The following USP39 variants were observed in gnomAD, a reference collection of about 807,000 sequenced individuals.
USP39 encodes the protein ubiquitin specific peptidase 39.
In USP39, 38 loss-of-function variants were observed where a neutral mutation model predicts 66.4. The ratio of observed to expected loss-of-function variants is 0.57; its 90% CI spans 0.44 to 0.75. The LOEUF (loss-of-function observed/expected upper bound fraction) is 0.75, where lower values mean the gene tolerates loss of function less well. Among genes scored for constraint, USP39 ranks in the 30% least tolerant of loss-of-function variants. The probability of loss-of-function intolerance (pLI) is 0.00; values close to 1 mark genes in which losing one functional copy is unlikely to be tolerated. For synonymous variants in USP39, 303 were observed against 274.6 expected, an observed-to-expected ratio of 1.10 and a Z score of -1.02; for missense variants, 608 against 714.4, an observed-to-expected ratio of 0.85 and a Z score of 1.70.
chr2:85,643,556 G>A (rs1478031343), intron 10 of USP39, among the ~76,000 whole-genome samples: 1 of 151,888 alleles, frequency 6.6e-6, no homozygotes, highest in Non-Finnish European at 1.5e-5. Flanking sequence ...TTTTGTTCAG[G>A]CTGAAGAGAA....
intron 11 of USP39, chr2:85,645,861 A>G (rs996931373): frequency 6.6e-6 from 1 of 152,138 alleles, no homozygotes; most frequent in Admixed American, 6.5e-5. Context: ...GTCTCAAGCA[A>G]TCCTCCCGCC....
Position 85,636,146 on chromosome 2 carries a change from A to T in USP39, c.1027+16A>T, listed in dbSNP as rs2104320982. Reference sequence around the variant, plus strand: ...AAAAAGAAGAGTAAGTCATTTACTTATAAAAAGGAGTTATTTTGTTCCCTT... The same window carrying T: ...AAAAAGAAGAGTAAGTCATTTACTTTTAAAAAGGAGTTATTTTGTTCCCTT... On this transcript the variant is annotated intron_variant, in intron 7 of 12. Transcript: ENST00000323701. 3 of 1,611,250 alleles carry T rather than the reference A, an allele frequency of 1.9e-6. No homozygotes were observed. The highest frequency in any genetic ancestry group is 3.3e-4 in the Middle Eastern group (2 of 6,044).
upstream of USP39, chr2:85,608,922 T>C (rs1673323232): frequency 6.2e-7 from 1 of 1,613,574 alleles, no homozygotes; most frequent in African/African-American, 1.3e-5. Flanking sequence ...GAATCCAGCC[T>C]GGAGAGAACG....
chr2:85,611,933 G>T, upstream of USP39: 1 of 1,585,644 alleles, frequency 6.3e-7, no homozygotes, highest in African/African-American at 1.4e-5. Context: ...ATGTCCAGCC[G>T]CCCCCCAGGC....
chr2:85,616,018 G>C (rs1171782340), upstream of USP39: 3 of 1,246,116 alleles, frequency 2.4e-6, no homozygotes, highest in African/African-American at 3.1e-5. Flanking sequence ...AGGTTCTAAG[G>C]GGAGAGGAAG....
rs554245920 is a variant in USP39, at chr2:85,637,550, A to G, written c.1095+114A>G. 9.5e-5 allele frequency: 105 copies of G among 1,105,434 alleles called. No homozygotes were observed. In the African/African-American group the frequency reaches 1.4e-3, roughly 14 times the overall value. The allele number at this position is 1,105,434 out of a possible 1,614,324, so 68.5% of individuals were successfully genotyped here. A position where few individuals can be genotyped will look rare whatever the true frequency, so the allele number is the denominator to read the frequency against. On this transcript the variant is annotated intron_variant, in intron 8 of 12. Coordinates refer to ENST00000323701, the MANE Select transcript of USP39 (RefSeq NM_006590.4). ...CCTGCTTGCCCTGTGAAGAGGTTCA[A>G]CAAAGCACCTGCCTAGTGGCAGCTC... is the stretch of plus-strand genomic sequence containing the variant.
upstream of USP39, among the ~76,000 whole-genome samples, chr2:85,613,167 T>C (rs1673684412): frequency 6.6e-6 from 1 of 151,782 alleles, no homozygotes; most frequent in African/African-American, 2.4e-5. Context: ...GAGACCAGCC[T>C]GGGCAACACA....
chr2:85,612,206 C>A, upstream of USP39: 1 of 1,166,936 alleles, frequency 8.6e-7, no homozygotes, highest in Non-Finnish European at 1.2e-6. Flanking sequence ...GGACGGAGGG[C>A]TTTTGTTTTT....
chr2:85,630,562 T>C (rs1675240556), intron 5 of USP39, among the ~76,000 whole-genome samples, 159 bp from the exon 6 acceptor site: 1 of 152,238 alleles, frequency 6.6e-6, no homozygotes, highest in East Asian at 1.9e-4. Flanking sequence ...TTCTGTGATG[T>C]GAGCCTGGGT....
rs755363593 is a variant in USP39, at chr2:85,639,399, A to G, written c.1284+8A>G. Reference sequence around the variant, plus strand: ...AATGGCATCACTGAGAAGGTAGCCCATTAACACACCTGCCCTGCCTATACT... The same window carrying G: ...AATGGCATCACTGAGAAGGTAGCCCGTTAACACACCTGCCCTGCCTATACT... On this transcript the variant is annotated splice_region_variant and intron_variant, in intron 9 of 12. Transcript: ENST00000323701. 3 of 1,611,700 alleles carry G rather than the reference A, an allele frequency of 1.9e-6. No homozygotes were observed. The South Asian group carries it at 3.3e-5, about 18-fold the overall frequency.
rs1676038134 is a variant in USP39, at chr2:85,639,231, A to G, written c.1124A>G (p.His375Arg). ...LPAEEKEQLL[H>R]NDEYQETMVE... Reference sequence around the variant, plus strand: ...GCAGAAGAAAAAGAGCAGTTGCTCCATAATGACGAGTACCAGGAGACAATG... The same window carrying G: ...GCAGAAGAAAAAGAGCAGTTGCTCCGTAATGACGAGTACCAGGAGACAATG... The change falls in exon 9 of 13, where the codon CAT becomes CGT. Residue 375 changes from histidine to arginine, a missense_variant. By Grantham distance (29) the His-to-Arg change is conservative. Coordinates refer to ENST00000323701, the MANE Select transcript of USP39 (RefSeq NM_006590.4). 1 of 1,613,358 alleles carries G rather than the reference A, an allele frequency of 6.2e-7. No homozygotes were observed. Among genetic ancestry groups the G allele is most frequent in the Non-Finnish European group, 8.5e-7 (1 of 1,179,808 alleles).
intron 1 of USP39, among the ~76,000 whole-genome samples, chr2:85,616,766 C>T (rs1674007237): frequency 6.6e-6 from 1 of 150,668 alleles, no homozygotes; most frequent in African/African-American, 2.4e-5. Context: ...CAACCTCTGC[C>T]TCCCCGGTTC....
chr2:85,648,105 T>A, intron 12 of USP39, 89 bp downstream of exon 12: 1 of 1,432,592 alleles, frequency 7.0e-7, no homozygotes, highest in Non-Finnish European at 9.7e-7. Flanking sequence ...AGGGATAGAG[T>A]TAGGACCTTG....
In USP39 at chr2:85,647,964, AG is replaced by A; in HGVS notation, c.1600del (p.Val534Ter). The A allele has an allele frequency of 6.2e-7, 1 of 1,614,176 alleles. No homozygotes were observed. The highest frequency in any genetic ancestry group is 8.5e-7 in the Non-Finnish European group (1 of 1,180,030). On this transcript the variant is annotated frameshift_variant, in exon 12 of 13. Coordinates refer to ENST00000323701, the MANE Select transcript of USP39 (RefSeq NM_006590.4). LOFTEE classifies it high-confidence loss of function. ...AAATGGTATGAATTACAAGACCTCC[AG>A]GTGACTGACATCCTTCCCCAGATGA... ...TGKWYELQDL[Q>X]VTDILPQMIT...
upstream of USP39, chr2:85,612,248 C>T: frequency 7.2e-7 from 1 of 1,379,372 alleles, no homozygotes; most frequent in Non-Finnish European, 9.8e-7. Flanking sequence ...CGTAACATAT[C>T]AATAGGAAAC....
In USP39 at chr2:85,636,203, C is replaced by G. The variant is rs867150389; in HGVS notation, c.1027+73C>G. ...AACTTTGCGGTCGGTCGCAATGGCT[C>G]ATGCCTATAATCCCAGCTCTTTGAG... On this transcript the variant is annotated intron_variant, in intron 7 of 12. Transcript: ENST00000323701. The G allele has an allele frequency of 4.3e-6, 6 of 1,407,568 alleles. No homozygotes were observed. The African/African-American group carries it at 5.7e-5, about 13-fold the overall frequency. 87.2% of individuals were successfully genotyped at this position (1,407,568 alleles called of 1,614,324 possible).
intron 6 of USP39, among the ~76,000 whole-genome samples, chr2:85,632,152 G>A (rs904104195): frequency 6.6e-6 from 1 of 152,142 alleles, no homozygotes; most frequent in African/African-American, 2.4e-5. Context: ...GTATCCTCTA[G>A]CATCTGTATT....
chr2:85,612,343 T>C (rs1673617124), upstream of USP39: 8 of 1,536,116 alleles, frequency 5.2e-6, no homozygotes, highest in Non-Finnish European at 7.0e-6. Flanking sequence ...CGGCGGTGCC[T>C]TCCCATCTTT....
chr2:85,643,934 T>C (rs1676445234), intron 10 of USP39, among the ~76,000 whole-genome samples: 1 of 152,188 alleles, frequency 6.6e-6, no homozygotes, highest in Admixed American at 6.5e-5. Context: ...ATTACAGGCA[T>C]GAGCCACCGC....
Sources: gnomAD v4.1 joint callset for allele counts (sites outside exome capture counted in the v4.1 genomes callset) on GRCh38, gnomAD v4.1.1 for gene constraint, MANE v1.5 for transcripts, NCBI Gene and HGNC (gene_info 2026-07-23, HGNC 2026-07-21) for gene names.